RFX3: variants seen among roughly 807,000 people sequenced by gnomAD.
RFX3 encodes the protein transcription factor RFX3.
A neutral mutation model predicts 98.6 loss-of-function variants in RFX3; 14 were observed. The observed-to-expected ratio is 0.14, with a 90% CI of 0.09 to 0.22. RFX3 has a LOEUF of 0.22. Among genes scored for constraint, RFX3 ranks in the 10% least tolerant of loss-of-function variants. RFX3 has a pLI of 1.00. For missense variants in RFX3, 639 were observed against 926.9 expected (o/e 0.69, Z 4.03); for synonymous variants, 383 against 328.4 (o/e 1.17, Z -1.80).
chr9:3,435,746 T>C (rs987898171), intron 1 of RFX3, among the ~76,000 whole-genome samples: 6 of 149,274 alleles, frequency 4.0e-5, no homozygotes, highest in Non-Finnish European at 5.9e-5. Flanking sequence ...GGATAATTAT[T>C]CACATTCACA....
chr9:3,425,917 A>G (rs1414031220), intron 1 of RFX3, among the ~76,000 whole-genome samples: 8 of 152,158 alleles, frequency 5.3e-5, no homozygotes, highest in Non-Finnish European at 8.8e-5. Flanking sequence ...AGCATGTTGG[A>G]GATCGTAAAA....
At chr9:3,495,507 T>C (rs1851044731) in intron 1 of RFX3, among the ~76,000 whole-genome samples, 2 of 152,080 alleles carry the variant, frequency 1.3e-5, no homozygotes, top group Non-Finnish European at 2.9e-5. Flanking sequence ...TAAAATGTCA[T>C]TAAATGGCTT....
intron 1 of RFX3, among the ~76,000 whole-genome samples, chr9:3,468,076 G>A (rs374704649): frequency 2.6e-5 from 4 of 152,162 alleles, no homozygotes; most frequent in South Asian, 4.1e-4. Flanking sequence ...TTCCAGAAAC[G>A]ATGCCTCAAG....
At chr9:3,246,193 A>T (rs547232599) in intron 15 of RFX3, among the ~76,000 whole-genome samples, 1 of 152,298 alleles carries the variant, frequency 6.6e-6, no homozygotes, top group South Asian at 2.1e-4. Flanking sequence ...ATCAAGAAGT[A>T]TGATTAGATC....
intron 1 of RFX3, among the ~76,000 whole-genome samples, chr9:3,465,378 C>T (rs1386962038): frequency 2.0e-5 from 3 of 152,064 alleles, no homozygotes; most frequent in Non-Finnish European, 2.9e-5. Context: ...ACAACCTCCA[C>T]CTCCTGAGTT....
intron 1 of RFX3, among the ~76,000 whole-genome samples, chr9:3,509,326 C>A (rs1376100882): frequency 2.0e-5 from 3 of 151,846 alleles, no homozygotes; most frequent in South Asian, 4.1e-4. Flanking sequence ...ACAAAGATTT[C>A]CATTTTTAAA....
At chr9:3,340,314 G>A (rs13285170) in intron 3 of RFX3, among the ~76,000 whole-genome samples, 46,806 of 151,848 alleles carry the variant, frequency 0.31, 11,000 homozygotes, top group African/African-American at 0.66. Context: ...AAGAAAACCT[G>A]GGCAATACCA....
intron 16 of RFX3, among the ~76,000 whole-genome samples, chr9:3,227,917 T>TC (rs1459106571): frequency 6.6e-6 from 1 of 152,128 alleles, no homozygotes; most frequent in Non-Finnish European, 1.5e-5. Flanking sequence ...CTTTACAGAC[T>TC]CCCCACGTAC....
rs993419462 is a variant in RFX3 at position 3,221,783 on chromosome 9, C to T, written c.*3259G>A. 5.9e-5 allele frequency: 9 copies of T among 152,122 alleles called. No homozygotes were observed. The highest frequency in any genetic ancestry group is 2.2e-4 in the African/African-American group (9 of 41,430). 9.4% of individuals were successfully genotyped at this position (152,122 alleles called of 1,614,324 possible). A position where few individuals can be genotyped will look rare whatever the true frequency, so the allele number is the denominator to read the frequency against. ...AACTATATGTCAAGATCAAACTATACCCATGATACTCAATCCTATCATATG... is the reference window on the plus strand; with the variant it reads ...AACTATATGTCAAGATCAAACTATATCCATGATACTCAATCCTATCATATG... On this transcript the variant is annotated 3_prime_UTR_variant, in exon 17 of 17. Coordinates refer to ENST00000617270, the MANE Select transcript of RFX3 (RefSeq NM_001282116.2).
At chr9:3,441,180 T>C (rs1845576974) in intron 1 of RFX3, among the ~76,000 whole-genome samples, 1 of 152,140 alleles carries the variant, frequency 6.6e-6, no homozygotes, top group African/African-American at 2.4e-5. Flanking sequence ...TGTTTCTCAT[T>C]GTTGGATAGA....
chr9:3,346,636 G>A (rs774923676), intron 3 of RFX3, 31 bp downstream of exon 3: 11 of 1,325,354 alleles, frequency 8.3e-6, no homozygotes, highest in Non-Finnish European at 1.2e-5. Flanking sequence ...CTGAGTGGGG[G>A]AATTAAAAAG....
intron 14 of RFX3, among the ~76,000 whole-genome samples, chr9:3,253,311 G>T (rs2131047515): frequency 6.6e-6 from 1 of 152,230 alleles, no homozygotes; most frequent in East Asian, 1.9e-4. Flanking sequence ...GCTTACAGTT[G>T]ATTCAAAAAA....
At chr9:3,493,412 C>T (rs919840870) in intron 1 of RFX3, among the ~76,000 whole-genome samples, 2 of 152,030 alleles carry the variant, frequency 1.3e-5, no homozygotes, top group Non-Finnish European at 1.5e-5. Flanking sequence ...GGGCCAGGCG[C>T]GGTGGCTCAC....
At chr9:3,280,271 G>A (rs1825766595) in intron 7 of RFX3, among the ~76,000 whole-genome samples, 1 of 151,756 alleles carries the variant, frequency 6.6e-6, no homozygotes. Context: ...ACATCAAGAT[G>A]GTAATATGGA....
intron 14 of RFX3, among the ~76,000 whole-genome samples, chr9:3,248,803 A>G (rs1224052241): frequency 3.9e-5 from 6 of 152,266 alleles, no homozygotes; most frequent in Admixed American, 3.9e-4. Flanking sequence ...TACATTAGAA[A>G]TAAGCACAAT....
At chr9:3,446,234 C>A (rs1846038792) in intron 1 of RFX3, among the ~76,000 whole-genome samples, 1 of 152,146 alleles carries the variant, frequency 6.6e-6, no homozygotes, top group South Asian at 2.1e-4. Context: ...TTGCATAGGG[C>A]AGAGGTATAC....
chr9:3,424,642 G>C (rs1246216610), intron 1 of RFX3, among the ~76,000 whole-genome samples: 1 of 151,624 alleles, frequency 6.6e-6, no homozygotes, highest in Non-Finnish European at 1.5e-5. Context: ...TTACAGGCGT[G>C]AGCCACCGCG....
intron 1 of RFX3, among the ~76,000 whole-genome samples, chr9:3,496,285 A>T (rs1851102898): frequency 6.6e-6 from 1 of 151,894 alleles, no homozygotes; most frequent in South Asian, 2.1e-4. Context: ...CTTAGTGCAT[A>T]TTTTTTTCTA....
At chr9:3,448,407 C>T (rs1846245182) in intron 1 of RFX3, among the ~76,000 whole-genome samples, 1 of 152,204 alleles carries the variant, frequency 6.6e-6, no homozygotes, top group African/African-American at 2.4e-5. Context: ...TCGACCTTTA[C>T]ATCCCCAAAT....
Sources: gnomAD v4.1 joint callset for allele counts (sites outside exome capture counted in the v4.1 genomes callset) on GRCh38, gnomAD v4.1.1 for gene constraint, MANE v1.5 for transcripts, NCBI Gene and HGNC (gene_info 2026-07-23, HGNC 2026-07-21) for gene names.